The following PC variants were observed in gnomAD, a reference collection of about 807,000 sequenced individuals.
The protein encoded by PC is pyruvate carboxylase.
A neutral mutation model predicts 107.8 loss-of-function variants in PC; 46 were observed. The observed-to-expected ratio is 0.43, with a 90% confidence interval of 0.34 to 0.55. The LOEUF (loss-of-function observed/expected upper bound fraction) is 0.55. Among genes scored for constraint, PC ranks in the 20% least tolerant of loss-of-function variants. The probability of loss-of-function intolerance (pLI) is 0.04; values close to 1 mark genes in which losing one functional copy is unlikely to be tolerated. For synonymous variants in PC, 662 were observed against 684.7 expected, an observed-to-expected ratio of 0.97 and a Z score of 0.52; for missense variants, 1,241 against 1,643.1, an observed-to-expected ratio of 0.76 and a Z score of 4.23.
intron 12 of PC, chr11:66,860,616 T>C (rs1187812639): frequency 1.4e-6 from 1 of 701,554 alleles, no homozygotes; most frequent in Admixed American, 2.0e-5. Flanking sequence ...TGGCTTCCTG[T>C]CCACAGGGGC....
At chr11:66,863,167 C>A (rs1946347810) in intron 12 of PC, among the ~76,000 whole-genome samples, 1 of 152,106 alleles carries the variant, frequency 6.6e-6, no homozygotes, top group Non-Finnish European at 1.5e-5. Flanking sequence ...TGTGATAAAA[C>A]CCCGTCTACT....
intron 3 of PC, among the ~76,000 whole-genome samples, chr11:66,876,870 G>A (rs1324598000): frequency 1.3e-5 from 2 of 152,134 alleles, no homozygotes; most frequent in African/African-American, 4.8e-5. Flanking sequence ...GGGAGCCTTC[G>A]GGACAAGCAC....
At chr11:66,856,316 G>GTT (rs1309831374) in intron 12 of PC, among the ~76,000 whole-genome samples, 2 of 151,970 alleles carry the variant, frequency 1.3e-5, no homozygotes, top group Non-Finnish European at 2.9e-5. Context: ...GACCAATCCG[G>GTT]CCCGAGGCGG....
chr11:66,864,792 C>T (rs4375441), intron 11 of PC, among the ~76,000 whole-genome samples: 3 of 152,182 alleles, frequency 2.0e-5, no homozygotes, highest in Non-Finnish European at 2.9e-5. Context: ...TGCACCTGTT[C>T]GTGCCGCCCG....
Position 66,870,545 on chromosome 11 carries a change from C to A in PC, c.752-92G>T. On this transcript the variant is annotated intron_variant, in intron 8 of 22. Transcript: ENST00000393960. This position sits in a 1 kb window ranked among gnomAD's most constrained non-coding sequence, Gnocchi z 6.1. ...CCCCCACATAACCACTGTCGCCAGT[C>A]AGTGCCGGCTGCCAGCGGTACAGAG... The A allele has an allele frequency of 6.8e-7, 1 of 1,463,144 alleles. No homozygotes were observed. The highest frequency in any genetic ancestry group is 1.2e-5 in the South Asian group (1 of 86,662). The allele number at this position is 1,463,144 out of a possible 1,614,324, so 90.6% of individuals were successfully genotyped here.
At chr11:66,865,882 G>T (rs1180949498) in intron 11 of PC, among the ~76,000 whole-genome samples, 1 of 152,152 alleles carries the variant, frequency 6.6e-6, no homozygotes, top group African/African-American at 2.4e-5. Flanking sequence ...TCCTGTGGGA[G>T]CTGGAGGGTC....
In PC at chr11:66,860,810, C is replaced by T. The variant is rs1465665289; in HGVS notation, c.1368+2964G>A. 20 of 680,586 alleles carry T rather than the reference C, an allele frequency of 2.9e-5. No homozygotes were observed. The East Asian group carries it at 4.8e-4, about 16-fold the overall frequency. The allele number at this position is 680,586 out of a possible 1,614,324, so 42.2% of individuals were successfully genotyped here. On this transcript the variant is annotated intron_variant, in intron 12 of 22. Coordinates refer to ENST00000393960, the MANE Select transcript of PC (RefSeq NM_001040716.2). ...TGTGAGCGCCTTCCCCATGGCACTT[C>T]AGGGTCTGCGGGGCGGACACAGGAC...
intron 3 of PC, among the ~76,000 whole-genome samples, chr11:66,928,686 T>C (rs1384385164): frequency 2.6e-5 from 4 of 152,042 alleles, no homozygotes; most frequent in African/African-American, 9.7e-5. Flanking sequence ...TAACCTTGCC[T>C]GGCTAATTTT....
rs574507598 is a variant in PC at position 66,933,958 on chromosome 11, C to T, written c.-1+18472G>A. Among the ~76,000 whole-genome samples the T allele has an allele frequency of 2.6e-5, 4 of 152,290 alleles. No homozygotes were observed. The South Asian group carries it at 8.3e-4, about 32-fold the overall frequency. On this transcript the variant is annotated intron_variant, in intron 3 of 22. Coordinates refer to ENST00000393960, the MANE Select transcript of PC (RefSeq NM_001040716.2). ...TAATGCTCACTACGCCCCACCAGCA[C>T]ACTCCAACATTGCTTCCCAAGTGCT... is the stretch of plus-strand genomic sequence containing the variant.
intron 12 of PC, chr11:66,859,958 G>C: frequency 6.2e-7 from 1 of 1,601,648 alleles, no homozygotes; most frequent in Non-Finnish European, 8.5e-7. Context: ...GCCACGTCCA[G>C]TCCCAGACCA....
intron 3 of PC, among the ~76,000 whole-genome samples, chr11:66,895,058 C>T (rs964069735): frequency 3.0e-4 from 46 of 152,046 alleles, no homozygotes; most frequent in African/African-American, 1.1e-3. Flanking sequence ...AGTTAGACCC[C>T]TACCTCCCCC....
At position 66,870,397 on chromosome 11, in the gene PC, G is replaced by A. The variant is rs1258494752; in HGVS notation, c.808C>T (p.Arg270Trp). 3 of 1,613,704 alleles carry A rather than the reference G, an allele frequency of 1.9e-6. No homozygotes were observed. The highest frequency in any genetic ancestry group is 2.2e-5 in the East Asian group (1 of 44,882). Residue 270 changes from arginine (R) to tryptophan (W), a missense_variant, in exon 9 of 23, where the codon CGG becomes TGG. Physicochemically the swap from Arg to Trp is moderately radical, Grantham distance 101. Transcript: ENST00000393960. The surrounding 1 kb of genome is among the most constrained non-coding windows in gnomAD (Gnocchi z 6.1). The stretch of plus-strand genomic sequence containing the variant: ...GCAATCTCGACCACCTTCTGGTGCC[G>A]CCGCTGGATGGAGCAGTCTCGCTCG... ...LYERDCSIQR[R>W]HQKVVEIAPA...
chr11:66,917,654 G>A (rs1439551854), intron 3 of PC, among the ~76,000 whole-genome samples: 1 of 152,192 alleles, frequency 6.6e-6, no homozygotes, highest in Non-Finnish European at 1.5e-5. Context: ...TTAGCTAGAC[G>A]TAAGCTTCAG....
chr11:66,863,677 G>A (rs1356289972), intron 12 of PC, 97 bp downstream of exon 12: 5 of 1,305,540 alleles, frequency 3.8e-6, no homozygotes, highest in African/African-American at 1.5e-5. Flanking sequence ...GCAAGGCTGA[G>A]GTGAAGCCAT....
At position 66,932,569 on chromosome 11, in the gene PC, C is replaced by A. The variant is rs1019237317; in HGVS notation, c.-1+19861G>T. ...AGATGCAGTGGCCGAAATGTCCTTT[C>A]GGGGCCATAAATCTGCTAGGAATGG... On this transcript the variant is annotated intron_variant, in intron 3 of 22. Transcript: ENST00000393960. Among the ~76,000 whole-genome samples, 3 of 152,248 alleles carry A rather than the reference C, an allele frequency of 2.0e-5. No individual in the cohort carries two copies. In the East Asian group the frequency reaches 5.8e-4, roughly 29 times the overall value.
At chr11:66,895,605 G>A (rs1428946795) in intron 3 of PC, among the ~76,000 whole-genome samples, 1 of 151,850 alleles carries the variant, frequency 6.6e-6, no homozygotes, top group African/African-American at 2.4e-5. Context: ...AAAGCTCTTG[G>A]AAATTAAAAA....
Position 66,863,781 on chromosome 11 carries a change from C to T in PC, c.1361G>A (p.Gly454Asp). ...SRALAEFRVR[G>D]VKTNIAFLQN... ...GGGGCTGCAGCCTCTCACCTTCACA[C>T]CTCGGACGCGGAACTCCGCAAGGGC... is the stretch of plus-strand genomic sequence containing the variant. Residue 454 changes from glycine (G) to aspartate (D), a missense_variant, in exon 12 of 23, where the codon GGT becomes GAT. Around this residue, in one of 2 missense-constraint regions of PC, gnomAD observed 1,143 missense variants for 1,551.9 expected, o/e 0.74. Transcript: ENST00000393960. 6.2e-7 allele frequency: 1 copy of T among 1,610,478 alleles called. No homozygotes were observed. Among genetic ancestry groups the T allele is most frequent in the Non-Finnish European group, 8.5e-7 (1 of 1,178,792 alleles).
intron 3 of PC, among the ~76,000 whole-genome samples, chr11:66,901,065 A>AGCC (rs1947939728): frequency 6.6e-6 from 1 of 152,240 alleles, no homozygotes; most frequent in South Asian, 2.1e-4. Context: ...TAGCAGCAGC[A>AGCC]GCCGCTCAGA....
At chr11:66,931,825 G>A (rs1948862193) in intron 3 of PC, among the ~76,000 whole-genome samples, 1 of 152,170 alleles carries the variant, frequency 6.6e-6, no homozygotes, top group South Asian at 2.1e-4. Context: ...AGACCATCCT[G>A]GCTAACACGG....
Sources: allele counts gnomAD v4.1 joint callset (sites outside exome capture counted in the v4.1 genomes callset), GRCh38; gene constraint gnomAD v4.1.1; regional missense constraint gnomAD v4.1.1; non-coding constraint Gnocchi (gnomAD v3.1); transcripts MANE v1.5; gene names NCBI Gene and HGNC (gene_info 2026-07-23, HGNC 2026-07-21).